Variants in KDM4C observed in about 807,000 individuals in gnomAD.
KDM4C encodes the protein lysine-specific demethylase 4C.
A neutral mutation model predicts 129.3 loss-of-function variants in KDM4C; 81 were observed. The ratio of observed to expected loss-of-function variants is 0.63; its 90% CI spans 0.52 to 0.75. The LOEUF (loss-of-function observed/expected upper bound fraction) is 0.75, where lower values mean the gene tolerates loss of function less well. Among genes scored for constraint, KDM4C ranks in the 30% least tolerant of loss-of-function variants. The probability of loss-of-function intolerance (pLI) is 0.00; values close to 1 mark genes in which losing one functional copy is unlikely to be tolerated. For missense variants in KDM4C, 1,457 were observed against 1,304.0 expected, an observed-to-expected ratio of 1.12 and a Z score of -1.81; for synonymous variants, 573 against 456.1, an observed-to-expected ratio of 1.26 and a Z score of -3.26.
chr9:6,845,421 C>T (rs1837682054), intron 4 of KDM4C, among the ~76,000 whole-genome samples: 1 of 152,068 alleles, frequency 6.6e-6, no homozygotes, highest in Non-Finnish European at 1.5e-5. Flanking sequence ...CACTGTGTTG[C>T]CCAGGGTGAT....
chr9:7,111,543 G>A (rs1174933245), intron 18 of KDM4C, among the ~76,000 whole-genome samples: 2 of 152,096 alleles, frequency 1.3e-5, no homozygotes, highest in Non-Finnish European at 2.9e-5. Context: ...TATACAGGTA[G>A]TAGGTGGAAG....
intron 15 of KDM4C, among the ~76,000 whole-genome samples, chr9:7,032,761 G>A (rs1234302777): frequency 6.6e-6 from 1 of 152,116 alleles, no homozygotes; most frequent in Admixed American, 6.5e-5. Context: ...GTTTTTGGAG[G>A]GGAAAGAAGG....
At chr9:6,931,506 AT>A (rs67510930) in intron 8 of KDM4C, among the ~76,000 whole-genome samples, 1 of 151,402 alleles carries the variant, frequency 6.6e-6, no homozygotes, top group Non-Finnish European at 1.5e-5. Context: ...ATATATATAT[AT>A]TTTTTTTTCA....
intron 12 of KDM4C, among the ~76,000 whole-genome samples, chr9:6,993,512 G>A (rs548103141): frequency 5.3e-5 from 8 of 152,230 alleles, no homozygotes; most frequent in South Asian, 2.1e-4. Context: ...TTTTATTCTC[G>A]AAGCATCCAG....
At chr9:7,100,287 A>G (rs1188433147) in intron 17 of KDM4C, among the ~76,000 whole-genome samples, 1 of 152,190 alleles carries the variant, frequency 6.6e-6, no homozygotes, top group Admixed American at 6.5e-5. Flanking sequence ...GAAAACATTA[A>G]CTAGCCTACC....
rs62534429 is a variant in KDM4C at position 7,024,409 on chromosome 9, T to G, written c.2259+8480T>G. 9.3e-3 allele frequency among the ~76,000 whole-genome samples: 1,414 copies of G among 151,978 alleles called. 14 individuals are homozygous for G. Among genetic ancestry groups the G allele is most frequent in the Non-Finnish European group, 0.015 (1,008 of 67,966 alleles). ...GAGGTTTGTTACATATGTATACATGTGCCATGTTGGTGTGCTGCACCCATT... is the reference window on the plus strand; with the variant it reads ...GAGGTTTGTTACATATGTATACATGGGCCATGTTGGTGTGCTGCACCCATT... On this transcript the variant is annotated intron_variant, in intron 15 of 21. Transcript: ENST00000381309.
At chr9:6,859,162 A>G (rs912512468) in intron 5 of KDM4C, among the ~76,000 whole-genome samples, 9 of 152,114 alleles carry the variant, frequency 5.9e-5, no homozygotes, top group African/African-American at 2.2e-4. Flanking sequence ...TTTGCCAGGA[A>G]CCATACTAAT....
chr9:6,986,953 A>G (rs1306400670), intron 11 of KDM4C: 4 of 309,134 alleles, frequency 1.3e-5, no homozygotes, highest in Non-Finnish European at 2.4e-5. Context: ...GTAGACTCGT[A>G]TGCAGTTGTG....
chr9:6,950,653 C>G (rs369177457), intron 8 of KDM4C, among the ~76,000 whole-genome samples: 1 of 152,174 alleles, frequency 6.6e-6, no homozygotes, highest in African/African-American at 2.4e-5. Flanking sequence ...AAAACTAGCT[C>G]TTCTAGCTAG....
chr9:6,925,615 C>T (rs1822348511), intron 8 of KDM4C: 3 of 985,318 alleles, frequency 3.0e-6, no homozygotes, highest in African/African-American at 1.7e-5. Context: ...CTAAAACCGT[C>T]TTGGCTTGTT....
At chr9:6,903,035 T>G (rs1286232285) in intron 8 of KDM4C, among the ~76,000 whole-genome samples, 1 of 152,162 alleles carries the variant, frequency 6.6e-6, no homozygotes, top group Admixed American at 6.5e-5. Context: ...TAGAGATTAC[T>G]GCTAAGCTTT....
chr9:6,869,267 A>G (rs1044442825), intron 5 of KDM4C, among the ~76,000 whole-genome samples: 2 of 152,168 alleles, frequency 1.3e-5, no homozygotes, highest in Non-Finnish European at 2.9e-5. Context: ...CATGAATGGC[A>G]TTAAGGGTGC....
At chr9:6,757,522 G>C, upstream of KDM4C, 1 of 630,970 alleles carries the variant, frequency 1.6e-6, no homozygotes, top group Non-Finnish European at 2.0e-6. Flanking sequence ...AAGGGAGAAC[G>C]GGAACACAGC....
At chr9:6,752,593 A>G (rs912982441) in intron 1 of KDM4C, among the ~76,000 whole-genome samples, 1 of 151,496 alleles carries the variant, frequency 6.6e-6, no homozygotes, top group Non-Finnish European at 1.5e-5. Flanking sequence ...TATTTTTAGT[A>G]GAGACGGAGT....
In KDM4C at chr9:7,006,045, A is replaced by G. The variant is rs531159899; in HGVS notation, c.1787-5653A>G. Reference sequence around the variant, plus strand: ...TTTGTATGAAAAGTGATACAAATTAATGTGTATAAAAAGCAACGAAAAATA... The same window carrying G: ...TTTGTATGAAAAGTGATACAAATTAGTGTGTATAAAAAGCAACGAAAAATA... On this transcript the variant is annotated intron_variant, in intron 12 of 21. Transcript: ENST00000381309. 3.1e-4 allele frequency among the ~76,000 whole-genome samples: 47 copies of G among 152,380 alleles called. No homozygotes were observed. The South Asian group carries it at 9.3e-3, about 30-fold the overall frequency.
At position 7,174,779 on chromosome 9, in the gene KDM4C, A is replaced by G; in HGVS notation, c.*50A>G. ...AGAGCAGCTTGGGTTGGAAGAGAGA[A>G]GATGAAGGGACATCCTTGGGGCTGT... On this transcript the variant is annotated 3_prime_UTR_variant, in exon 22 of 22. Coordinates refer to ENST00000381309, the MANE Select transcript of KDM4C (RefSeq NM_015061.6). 4.0e-6 allele frequency: 6 copies of G among 1,504,000 alleles called. No individual in the cohort carries two copies. In the African/African-American group the frequency reaches 8.2e-5, roughly 21 times the overall value. The allele number at this position is 1,504,000 out of a possible 1,614,324, so 93.2% of individuals were successfully genotyped here. A position where few individuals can be genotyped will look rare whatever the true frequency, so the allele number is the denominator to read the frequency against.
chr9:7,157,668 G>A lies in KDM4C; in HGVS notation c.2782-7570G>A, dbSNP rs551645984. 3.2e-4 allele frequency among the ~76,000 whole-genome samples: 49 copies of A among 152,220 alleles called. No individual in the cohort carries two copies. In the East Asian group the frequency reaches 7.3e-3, roughly 23 times the overall value. On this transcript the variant is annotated intron_variant, in intron 19 of 21. Transcript: ENST00000381309. Reference sequence around the variant, plus strand: ...TGATGGATTACATTTATTGATTTGCGTATGTTGAACCAGCCTTGCATCCCA... The same window carrying A: ...TGATGGATTACATTTATTGATTTGCATATGTTGAACCAGCCTTGCATCCCA...
chr9:6,814,234 A>G (rs1831670755), intron 3 of KDM4C, among the ~76,000 whole-genome samples: 1 of 152,028 alleles, frequency 6.6e-6, no homozygotes, highest in Admixed American at 6.6e-5. Flanking sequence ...ACTTTCTTGG[A>G]TTTTTAGTGA....
rs748539841 is a variant in KDM4C, at chr9:7,013,908, A to G, written c.2089A>G (p.Asn697Asp). 1 of 1,613,998 alleles carries G rather than the reference A, an allele frequency of 6.2e-7. No homozygotes were observed. The highest frequency in any genetic ancestry group is 1.7e-5 in the Admixed American group (1 of 60,024). Residue 697 changes from asparagine (N) to aspartate (D), a missense_variant, in exon 14 of 22, where the codon AAT becomes GAT. By Grantham distance (23) the Asn-to-Asp change is conservative (BLOSUM62 1). Transcript: ENST00000381309. ...PEMCFIYSEE[N>D]IEYSPPNAFL... ...GATGTGTTTTATTTATAGTGAAGAA[A>G]ATATAGAATATTCTCCACCCAATGC...
Sources: allele counts gnomAD v4.1 joint callset (sites outside exome capture counted in the v4.1 genomes callset), GRCh38; gene constraint gnomAD v4.1.1; transcripts MANE v1.5; gene names NCBI Gene and HGNC (gene_info 2026-07-23, HGNC 2026-07-21).